CDC20B: variants seen among roughly 807,000 people sequenced by gnomAD.
The protein encoded by CDC20B is cell division cycle protein 20 homolog B.
Under a neutral mutation model 64.1 loss-of-function variants are expected in CDC20B, and 58 were observed. The observed-to-expected ratio is 0.90, with a 90% CI of 0.73 to 1.13. CDC20B has a LOEUF of 1.13. Ranked by LOEUF, CDC20B falls within the 50% of genes most tolerant of loss-of-function variation. The pLI, the probability that CDC20B is intolerant of heterozygous loss-of-function variation, is 0.00. For missense variants in CDC20B, 597 were observed against 633.0 expected (o/e 0.94, Z 0.61); for synonymous variants, 243 against 230.6 (o/e 1.05, Z -0.49).
intron 4 of CDC20B, among the ~76,000 whole-genome samples, chr5:55,140,810 T>C (rs1743308977): frequency 6.6e-6 from 1 of 152,188 alleles, no homozygotes; most frequent in African/African-American, 2.4e-5. Context: ...TAAGTAACTT[T>C]ACTAAAATTC....
intron 2 of CDC20B, among the ~76,000 whole-genome samples, chr5:55,156,237 C>T (rs1343581431): frequency 6.6e-6 from 1 of 152,168 alleles, no homozygotes; most frequent in Non-Finnish European, 1.5e-5. Flanking sequence ...ATTTAGTTAT[C>T]TCCATCTGGC....
At chr5:55,170,967 A>T (rs919793679) in intron 2 of CDC20B, among the ~76,000 whole-genome samples, 5 of 152,244 alleles carry the variant, frequency 3.3e-5, no homozygotes, top group African/African-American at 1.2e-4. Context: ...AGGTTTTCCA[A>T]ATTAAATGCT....
chr5:55,167,408 C>CAT (rs1304566509), intron 2 of CDC20B, among the ~76,000 whole-genome samples: 2 of 152,096 alleles, frequency 1.3e-5, no homozygotes, highest in Admixed American at 1.3e-4. Context: ...GTGTATCTAG[C>CAT]ATATATATAA....
intron 2 of CDC20B, among the ~76,000 whole-genome samples, chr5:55,149,448 CA>C (rs1389448972): frequency 1.1e-4 from 17 of 152,160 alleles, no homozygotes; most frequent in Admixed American, 6.5e-4. Flanking sequence ...GCAGACAACC[CA>C]AACACTCATC....
intron 2 of CDC20B, among the ~76,000 whole-genome samples, chr5:55,154,125 A>G (rs1438388751): frequency 5.9e-5 from 9 of 152,202 alleles, no homozygotes; most frequent in African/African-American, 1.9e-4. Context: ...TTTGGAGGAA[A>G]GAGACCACAG....
intron 2 of CDC20B, among the ~76,000 whole-genome samples, chr5:55,151,146 G>T (rs1410317171): frequency 1.3e-5 from 2 of 152,306 alleles, no homozygotes; most frequent in East Asian, 3.9e-4. Flanking sequence ...GAAACTGAGG[G>T]AATCTCTCAA....
In CDC20B at chr5:55,114,187, T is replaced by G. The variant is rs1742570848; in HGVS notation, c.*31A>C. Reference sequence around the variant, plus strand: ...CAACATCATCATCTTCACTCAGAAATAAGGAAACTGAAACCTAGAGGGGCT... The same window carrying G: ...CAACATCATCATCTTCACTCAGAAAGAAGGAAACTGAAACCTAGAGGGGCT... On this transcript the variant is annotated 3_prime_UTR_variant, in exon 12 of 12. Coordinates refer to ENST00000381375, the MANE Select transcript of CDC20B (RefSeq NM_001170402.1). This position sits in a 1 kb window ranked among gnomAD's most constrained non-coding sequence, Gnocchi z 4.1. The G allele has an allele frequency of 1.2e-6, 2 of 1,602,864 alleles. No individual in the cohort carries two copies. The highest frequency in any genetic ancestry group is 2.7e-5 in the African/African-American group (2 of 74,688).
At chr5:55,126,484 A>AAAAAAAAAAAAAC in intron 8 of CDC20B, 1 of 294,996 alleles carries the variant, frequency 3.4e-6, no homozygotes, top group East Asian at 1.4e-4. Flanking sequence ...AAAAAAAAAA[A>AAAAAAAAAAAAAC]AAACAGTCTT....
rs937815124 is a variant in CDC20B, at chr5:55,127,274, A to T, written c.972T>A (p.Asn324Lys). The change falls in exon 8 of 12, where the codon AAT (asparagine) becomes AAA (lysine). Residue 324 changes from asparagine (N) to lysine (K), a missense_variant. Physicochemically the swap from Asn to Lys is moderately conservative, Grantham distance 94 (BLOSUM62 0). Transcript: ENST00000381375. ...CTTCTTACCTGCTGAGGATAAAGTG[A>T]TTCCAGCTCAGAGCCCCAACTACTG... ...HLSVVGALSW[N>K]HFILSSGSRL... is the part of the protein sequence containing the mutation. The T allele has an allele frequency of 2.5e-6, 4 of 1,613,952 alleles. No individual in the cohort carries two copies. The African/African-American group carries it at 5.3e-5, about 22-fold the overall frequency.
At chr5:55,137,973 T>G (rs1289930762) in intron 5 of CDC20B, among the ~76,000 whole-genome samples, 1 of 151,774 alleles carries the variant, frequency 6.6e-6, no homozygotes, top group Non-Finnish European at 1.5e-5. Flanking sequence ...GAGAGGTGGG[T>G]TAGTTAAAAG....
intron 2 of CDC20B, chr5:55,170,407 TGTAA>T (rs1744558706): frequency 2.5e-6 from 1 of 402,232 alleles, no homozygotes; most frequent in African/African-American, 2.1e-5. Flanking sequence ...AACTGTGCAT[TGTAA>T]GTATTACTGT....
At chr5:55,130,412 A>G (rs1168179074) in intron 6 of CDC20B, among the ~76,000 whole-genome samples, 1 of 152,216 alleles carries the variant, frequency 6.6e-6, no homozygotes, top group Non-Finnish European at 1.5e-5. Flanking sequence ...ACATATGTGT[A>G]AGTAGAGTCA....
intron 4 of CDC20B, 87 bp from the exon 5 acceptor site, chr5:55,140,494 G>T: frequency 1.8e-5 from 14 of 793,628 alleles, no homozygotes; most frequent in Non-Finnish European, 2.6e-5. Context: ...AATTACAACT[G>T]GTAATTCACT....
At chr5:55,153,240 T>TAAAAAAAA (rs1206577177) in intron 2 of CDC20B, among the ~76,000 whole-genome samples, 11 of 87,620 alleles carry the variant, frequency 1.3e-4, no homozygotes, top group Admixed American at 4.5e-4. Flanking sequence ...CCTTGTCTCA[T>TAAAAAAAA]AAAAAAAAAA....
At chr5:55,164,450 G>A (rs1356479494) in intron 2 of CDC20B, 1 of 290,646 alleles carries the variant, frequency 3.4e-6, no homozygotes, top group East Asian at 5.7e-5. Context: ...ATGTTCCCAG[G>A]ATGAGGATGT....
chr5:55,136,898 C>G (rs1482939402), intron 5 of CDC20B: 2 of 152,192 alleles, frequency 1.3e-5, no homozygotes, highest in Non-Finnish European at 1.5e-5. Flanking sequence ...GGTCAAAAGA[C>G]TTTGGGAGGC....
At chr5:55,119,963 C>A in intron 10 of CDC20B, 45 bp from the exon 11 acceptor site, 1 of 1,388,210 alleles carries the variant, frequency 7.2e-7, no homozygotes, top group Non-Finnish European at 1.0e-6. Flanking sequence ...ATTTCTGATT[C>A]CTTATGAATA....
chr5:55,160,900 T>TCC lies in CDC20B; in HGVS notation c.126+11686_126+11687dup, dbSNP rs140700063. On this transcript the variant is annotated intron_variant, in intron 2 of 11. Transcript: ENST00000381375. ...AAAAAACATCAATCAGAGGTTATAG[T>TCC]CCCCCCCAAATTGTTTAGGATTTTA... The TCC allele has an allele frequency of 2.2e-5, 28 of 1,278,022 alleles. No individual in the cohort carries two copies. The African/African-American group carries it at 4.1e-4, about 19-fold the overall frequency. 79.2% of individuals were successfully genotyped at this position (1,278,022 alleles called of 1,614,324 possible). A position where few individuals can be genotyped will look rare whatever the true frequency, so the allele number is the denominator to read the frequency against.
In CDC20B at chr5:55,114,389, T is replaced by C. The variant is rs1742578266; in HGVS notation, c.1460-71A>G. On this transcript the variant is annotated intron_variant, in intron 11 of 11. Coordinates refer to ENST00000381375, the MANE Select transcript of CDC20B (RefSeq NM_001170402.1). This position sits in a 1 kb window ranked among gnomAD's most constrained non-coding sequence, Gnocchi z 4.1. The stretch of plus-strand genomic sequence containing the variant: ...GGCTGCTGCTCAGGACTGTAGGCAA[T>C]GTAAGTTGGGGCCATGAGTCCCATC... The C allele has an allele frequency of 3.9e-6, 6 of 1,550,952 alleles. No homozygotes were observed. Among genetic ancestry groups the C allele is most frequent in the South Asian group, 2.5e-5 (2 of 81,094 alleles).
Sources: gnomAD v4.1 joint callset for allele counts (sites outside exome capture counted in the v4.1 genomes callset) on GRCh38, gnomAD v4.1.1 for gene constraint, Gnocchi (gnomAD v3.1) non-coding constraint, MANE v1.5 for transcripts, NCBI Gene and HGNC (gene_info 2026-07-23, HGNC 2026-07-21) for gene names.